Variants in PPID observed in about 807,000 individuals in gnomAD.
PPID encodes peptidyl-prolyl cis-trans isomerase D.
Under a neutral mutation model 48.1 loss-of-function variants are expected in PPID, and 47 were observed. The observed-to-expected ratio is 0.98, with a 90% CI of 0.77 to 1.25. PPID has a LOEUF of 1.25. Among genes scored for constraint, PPID ranks in the 50% most tolerant of loss-of-function variants. PPID has a pLI of 0.00. For missense variants in PPID, 429 were observed against 443.5 expected, an observed-to-expected ratio of 0.97 and a Z score of 0.29; for synonymous variants, 163 against 148.8, an observed-to-expected ratio of 1.10 and a Z score of -0.69.
rs1561256235 is a variant in PPID, at chr4:158,717,124, A to C, written c.410T>G (p.Val137Gly). Residue 137 changes from valine (V) to glycine (G), a missense_variant, in exon 4 of 10, where the codon GTT becomes GGT. Transcript: ENST00000307720. ...TTTCCCATCCAAATGAGGAGTTGGA[A>C]CTGTTGTGATAAAAAACTGAGAACC... ...TNGSQFFITT[V>G]PTPHLDGKHV... 1 of 1,613,960 alleles carries C rather than the reference A, an allele frequency of 6.2e-7. No homozygotes were observed. Among genetic ancestry groups the C allele is most frequent in the African/African-American group, 1.3e-5 (1 of 74,914 alleles).
chr4:158,715,506 CTAAA>C, intron 5 of PPID, 52 bp downstream of exon 5: 2 of 1,586,478 alleles, frequency 1.3e-6, no homozygotes, highest in African/African-American at 1.4e-5. Context: ...ACTTTTAGTA[CTAAA>C]TATTTTCACT....
intron 3 of PPID, among the ~76,000 whole-genome samples, chr4:158,717,546 C>T (rs942316036): frequency 5.9e-5 from 9 of 152,122 alleles, no homozygotes; most frequent in African/African-American, 2.2e-4. Flanking sequence ...GAAGATGCAG[C>T]ATTATGAAAC....
At chr4:158,712,740 G>C (rs1294003693) in intron 7 of PPID, among the ~76,000 whole-genome samples, 3 of 151,924 alleles carry the variant, frequency 2.0e-5, no homozygotes, top group African/African-American at 7.3e-5. Flanking sequence ...CTGGGCAACA[G>C]AGTAAGACTC....
chr4:158,709,845 G>A (rs773992237), intron 9 of PPID, 21 bp from the exon 10 acceptor site: 1 of 1,561,268 alleles, frequency 6.4e-7, no homozygotes, highest in East Asian at 2.2e-5. Context: ...AATATGCAAT[G>A]TGAGTTATTT....
At chr4:158,719,768 T>C (rs1252372455) in intron 2 of PPID, among the ~76,000 whole-genome samples, 1 of 152,228 alleles carries the variant, frequency 6.6e-6, no homozygotes, top group Non-Finnish European at 1.5e-5. Flanking sequence ...AGATTTGTTC[T>C]ACCCTAATGG....
intron 4 of PPID, 115 bp from the exon 5 acceptor site, chr4:158,715,799 T>C: frequency 8.5e-7 from 1 of 1,172,284 alleles, no homozygotes; most frequent in Non-Finnish European, 1.2e-6. Context: ...GTGAGAAGGC[T>C]CATTTATGTA....
intron 3 of PPID, 47 bp downstream of exon 3, chr4:158,719,133 T>C (rs1472439330): frequency 5.5e-6 from 7 of 1,265,966 alleles, no homozygotes; most frequent in South Asian, 4.9e-5. Context: ...ATTCCAGATA[T>C]ATAACAATCT....
In PPID at chr4:158,713,228, G is replaced by A. The variant is rs746200400; in HGVS notation, c.785C>T (p.Thr262Ile). ...AGGTTGCAGCTTGGCTCTATCTGCT[G>A]TCTCAATAACAGCCTTTGAACTGTC... Reference protein sequence around the residue: ...YVDSSKAVIETADRAKLQPIA... With the variant: ...YVDSSKAVIEIADRAKLQPIA... The change falls in exon 7 of 10, where the codon ACA becomes ATA. Residue 262 changes from threonine (T) to isoleucine (I), a missense_variant. By Grantham distance (89) the Thr-to-Ile change is moderately conservative. Coordinates refer to ENST00000307720, the MANE Select transcript of PPID (RefSeq NM_005038.3). The A allele has an allele frequency of 3.1e-6, 5 of 1,613,818 alleles. No homozygotes were observed. In the Admixed American group the frequency reaches 6.7e-5, roughly 22 times the overall value.
chr4:158,717,624 C>T (rs1259787735), intron 3 of PPID, among the ~76,000 whole-genome samples: 3 of 152,086 alleles, frequency 2.0e-5, no homozygotes, highest in Non-Finnish European at 4.4e-5. Flanking sequence ...GAACGGTCTT[C>T]CAAATTCATA....
At chr4:158,718,504 TATAAATTCCTTGTCATCA>T (rs1239691220) in intron 3 of PPID, among the ~76,000 whole-genome samples, 3 of 152,240 alleles carry the variant, frequency 2.0e-5, no homozygotes, top group Non-Finnish European at 4.4e-5. Flanking sequence ...GAGGTAGGAT[TATAAATTCCTTGTCATCA>T]AGGCCTTTCA....
chr4:158,713,161 CA>C lies in PPID; in HGVS notation c.851del (p.Leu284ArgfsTer14). The C allele has an allele frequency of 6.2e-7, 1 of 1,614,042 alleles. No homozygotes were observed. The highest frequency in any genetic ancestry group is 1.7e-4 in the Middle Eastern group (1 of 6,060). On this transcript the variant is annotated frameshift_variant, in exon 7 of 10. Transcript: ENST00000307720. LOFTEE classifies it high-confidence loss of function. ...SCVLNIGACKLKMSNWQGAID... is the reference protein window; with the variant it reads ...SCVLNIGACKXKMSNWQGAID... ...TTGCTCCCTGCCAATTTGACATCTT[CA>C]GTTTACAAGCACCAATATTCAGTAC...
intron 1 of PPID, 121 bp from the exon 2 acceptor site, chr4:158,721,604 A>AT: frequency 8.1e-7 from 1 of 1,230,706 alleles, no homozygotes; most frequent in Non-Finnish European, 1.1e-6. Context: ...CTTTACTGTA[A>AT]TTTTTCTTTT....
intron 5 of PPID, 69 bp from the exon 6 acceptor site, chr4:158,715,472 T>G (rs1472222355): frequency 2.6e-6 from 4 of 1,541,560 alleles, no homozygotes; most frequent in Non-Finnish European, 3.5e-6. Context: ...TTCTATCATA[T>G]GAGAGACTGA....
chr4:158,713,018 G>T, intron 7 of PPID, 101 bp downstream of exon 7: 1 of 1,236,676 alleles, frequency 8.1e-7, no homozygotes, highest in East Asian at 2.4e-5. Flanking sequence ...GCCTCATTAG[G>T]TCCTATGCAA....
chr4:158,709,540 A>G lies in PPID; in HGVS notation c.*196T>C, dbSNP rs1774740851. On this transcript the variant is annotated 3_prime_UTR_variant, in exon 10 of 10. Coordinates refer to ENST00000307720, the MANE Select transcript of PPID (RefSeq NM_005038.3). Reference sequence around the variant, plus strand: ...GAGCAAGACTCCATCTCAAAGAAACAAACAAAACCACTTTACTTACTGTAT... The same window carrying G: ...GAGCAAGACTCCATCTCAAAGAAACGAACAAAACCACTTTACTTACTGTAT... The G allele has an allele frequency of 2.4e-6, 1 of 422,822 alleles. No individual in the cohort carries two copies. The highest frequency in any genetic ancestry group is 4.2e-6 in the Non-Finnish European group (1 of 240,520). 26.2% of individuals were successfully genotyped at this position (422,822 alleles called of 1,614,324 possible). A position where few individuals can be genotyped will look rare whatever the true frequency, so the allele number is the denominator to read the frequency against.
chr4:158,715,869 T>C (rs1774863173), intron 4 of PPID, among the ~76,000 whole-genome samples, 185 bp from the exon 5 acceptor site: 1 of 152,202 alleles, frequency 6.6e-6, no homozygotes, highest in Non-Finnish European at 1.5e-5. Flanking sequence ...TACATAAGCA[T>C]TTTATTGCTA....
Position 158,721,349 on chromosome 4 carries a change from G to A in PPID, c.220C>T (p.His74Tyr), listed in dbSNP as rs2126341007. The A allele has an allele frequency of 1.9e-6, 3 of 1,614,058 alleles. No individual in the cohort carries two copies. The highest frequency in any genetic ancestry group is 1.7e-5 in the Admixed American group (1 of 60,000). Residue 74 changes from histidine to tyrosine, a missense_variant, in exon 2 of 10, where the codon CAT becomes TAT. Transcript: ENST00000307720. ...KPLHFKGCPF[H>Y]RIIKKFMIQG... ...TAAGAAAATTTACACATACTTCGAT[G>A]AAAAGGGCATCCTTTGAAATGGAGA... is the stretch of plus-strand genomic sequence containing the variant.
chr4:158,719,171 C>G lies in PPID; in HGVS notation c.333+9G>C, dbSNP rs116191398. The G allele has an allele frequency of 7.2e-4, 1,097 of 1,526,014 alleles. 3 individuals carry two copies. The African/African-American group carries it at 0.013, about 18-fold the overall frequency. The allele number at this position is 1,526,014 out of a possible 1,614,324, so 94.5% of individuals were successfully genotyped here. A position where few individuals can be genotyped will look rare whatever the true frequency, so the allele number is the denominator to read the frequency against. On this transcript the variant is annotated intron_variant, in intron 3 of 9. Coordinates refer to ENST00000307720, the MANE Select transcript of PPID (RefSeq NM_005038.3). Reference sequence around the variant, plus strand: ...TTATCAGCAATAACATGCATTTTCTCTACTTTACCTTGTAATGGAAATTTT... The same window carrying G: ...TTATCAGCAATAACATGCATTTTCTGTACTTTACCTTGTAATGGAAATTTT...
chr4:158,723,087 C>G, intron 1 of PPID, 117 bp downstream of exon 1: 1 of 1,035,140 alleles, frequency 9.7e-7, no homozygotes, highest in Non-Finnish European at 1.4e-6. Context: ...AGGCAGCCAT[C>G]CCCTCCGCGA....
Sources: allele counts gnomAD v4.1 joint callset (sites outside exome capture counted in the v4.1 genomes callset), GRCh38; gene constraint gnomAD v4.1.1; transcripts MANE v1.5; gene names NCBI Gene and HGNC (gene_info 2026-07-23, HGNC 2026-07-21).